The following IGSF21 variants were observed in gnomAD, a reference collection of about 807,000 sequenced individuals.
IGSF21 encodes the protein immunoglobulin superfamily member 21.
In IGSF21, 28 loss-of-function variants were observed where a neutral mutation model predicts 46.8. The ratio of observed to expected loss-of-function variants is 0.60; its 90% CI spans 0.44 to 0.82. IGSF21 has a LOEUF of 0.82. IGSF21 is among the 40% of genes least tolerant of loss of function. The pLI is 0.00. For missense variants in IGSF21, 624 were observed against 665.5 expected (o/e 0.94, Z 0.69); for synonymous variants, 284 against 273.6 (o/e 1.04, Z -0.38).
chr1:18,363,023 G>A (rs1178778428), intron 5 of IGSF21, among the ~76,000 whole-genome samples: 3 of 152,180 alleles, frequency 2.0e-5, no homozygotes, highest in East Asian at 3.9e-4. Flanking sequence ...GGACCCTTTT[G>A]GTCTAAATGA....
chr1:18,119,711 G>C (rs1217604433), intron 1 of IGSF21, among the ~76,000 whole-genome samples: 2 of 151,930 alleles, frequency 1.3e-5, no homozygotes, highest in Non-Finnish European at 2.9e-5. Context: ...AATAGGTCTG[G>C]GGCAACAAGC....
intron 2 of IGSF21, chr1:18,278,988 A>T: frequency 2.2e-6 from 1 of 460,018 alleles, no homozygotes; most frequent in Non-Finnish European, 4.5e-6. Flanking sequence ...AAGCTATAGA[A>T]CTAAGCTAGG....
rs990172155 is a variant in IGSF21 at position 18,238,442 on chromosome 1, G to A, written c.183+10432G>A. 5.3e-5 allele frequency among the ~76,000 whole-genome samples: 8 copies of A among 152,342 alleles called. No homozygotes were observed. In the East Asian group the frequency reaches 1.2e-3, roughly 22 times the overall value. ...GACGGGAAGAGGAGATAAGAAGCAG[G>A]GTGGTGGGGGAAGACTGGCTTTGGC... On this transcript the variant is annotated intron_variant, in intron 2 of 9. Coordinates refer to ENST00000251296, the MANE Select transcript of IGSF21 (RefSeq NM_032880.5).
Position 18,337,938 on chromosome 1 carries a change from G to T in IGSF21, c.424+2928G>T, listed in dbSNP as rs1029442279. 6.6e-6 allele frequency among the ~76,000 whole-genome samples: 1 copy of T among 152,170 alleles called. No homozygotes were observed. Among genetic ancestry groups the T allele is most frequent in the Non-Finnish European group, 1.5e-5 (1 of 68,028 alleles). On this transcript the variant is annotated intron_variant, in intron 4 of 9. Transcript: ENST00000251296. This position sits in a 1 kb window ranked among gnomAD's most constrained non-coding sequence, Gnocchi z 5.7. The stretch of plus-strand genomic sequence containing the variant: ...GGGGTTATCTCTGTGCCAGAGGAGC[G>T]TGGCTTCTGTAGCTCACCAAGGTCC...
rs1285099279 is a variant in IGSF21 at position 18,109,105 on chromosome 1, C to A, written c.70+907C>A. On this transcript the variant is annotated intron_variant, in intron 1 of 9. Coordinates refer to ENST00000251296, the MANE Select transcript of IGSF21 (RefSeq NM_032880.5). The surrounding 1 kb of genome is among the most constrained non-coding windows in gnomAD (Gnocchi z 4.8). ...GTTCTCCGGAGCCAGTGAGAGGTGG[C>A]TCCGCAGCCCCAGGGTCCGCGGCCG... Among the ~76,000 whole-genome samples, 1 of 151,884 alleles carries A rather than the reference C, an allele frequency of 6.6e-6. No homozygotes were observed. The highest frequency in any genetic ancestry group is 1.5e-5 in the Non-Finnish European group (1 of 67,978).
At chr1:18,243,380 T>G (rs1239610378) in intron 2 of IGSF21, among the ~76,000 whole-genome samples, 1 of 151,982 alleles carries the variant, frequency 6.6e-6, no homozygotes, top group Admixed American at 6.6e-5. Flanking sequence ...CCCTGCCCAC[T>G]CCCCGCATCT....
At chr1:18,227,614 T>A (rs962539622) in intron 1 of IGSF21, among the ~76,000 whole-genome samples, 1 of 150,796 alleles carries the variant, frequency 6.6e-6, no homozygotes, top group Non-Finnish European at 1.5e-5. Flanking sequence ...CAGGGAAAAA[T>A]GTGTCCCAAG....
At chr1:18,239,051 C>G (rs149441800) in intron 2 of IGSF21, among the ~76,000 whole-genome samples, 109 of 132,174 alleles carry the variant, frequency 8.2e-4, no homozygotes, top group African/African-American at 2.7e-3. Flanking sequence ...AATGCTTTCT[C>G]AGGGGTGAGA....
chr1:18,122,193 C>CTTTTTTTTTTTTTTTTTTT (rs766563472), intron 1 of IGSF21, among the ~76,000 whole-genome samples: 4 of 78,758 alleles, frequency 5.1e-5, no homozygotes, highest in Non-Finnish European at 7.2e-5. Flanking sequence ...TTCTTTCTTT[C>CTTTTTTTTTTTTTTTTTTT]TTTTTTTTTT....
intron 4 of IGSF21, among the ~76,000 whole-genome samples, chr1:18,360,221 G>A (rs78206182): frequency 0.012 from 1,876 of 152,254 alleles, 38 homozygotes; most frequent in African/African-American, 0.043. Context: ...GTGTTCTGCT[G>A]TATTTTTCCC....
chr1:18,367,265 A>G (rs2086175899), intron 6 of IGSF21, among the ~76,000 whole-genome samples: 1 of 152,202 alleles, frequency 6.6e-6, no homozygotes, highest in Non-Finnish European at 1.5e-5. Flanking sequence ...CTCAGTATCA[A>G]ATACCAAAGA....
chr1:18,232,731 G>C (rs536072259), intron 2 of IGSF21, among the ~76,000 whole-genome samples: 1 of 152,184 alleles, frequency 6.6e-6, no homozygotes, highest in East Asian at 1.9e-4. Context: ...TTCTCCTGCT[G>C]TATTCTTGAC....
intron 6 of IGSF21, among the ~76,000 whole-genome samples, chr1:18,372,656 GTT>G (rs2086238019): frequency 1.4e-5 from 2 of 139,024 alleles, no homozygotes; most frequent in African/African-American, 5.4e-5. Context: ...ATGGATGGAT[GTT>G]TGGATGGGTG....
At position 18,150,000 on chromosome 1, in the gene IGSF21, TC is replaced by T. The variant is rs1241424758; in HGVS notation, c.70+41805del. ...GGGGAGTGGTGGCTTATGCCTATAA[TC>T]CCAGCACTTTGGGAGGCCGAGGCAG... On this transcript the variant is annotated intron_variant, in intron 1 of 9. Coordinates refer to ENST00000251296, the MANE Select transcript of IGSF21 (RefSeq NM_032880.5). Among the ~76,000 whole-genome samples the T allele has an allele frequency of 3.3e-5, 5 of 152,230 alleles. 1 individual carries two copies. The highest frequency in any genetic ancestry group is 1.2e-4 in the African/African-American group (5 of 41,542).
intron 6 of IGSF21, among the ~76,000 whole-genome samples, chr1:18,374,329 G>A (rs1455222316): frequency 2.0e-5 from 3 of 152,208 alleles, no homozygotes; most frequent in Non-Finnish European, 4.4e-5. Flanking sequence ...ACTTCATGTA[G>A]GTCCTGGCTC....
chr1:18,254,179 G>C (rs1282421137), intron 2 of IGSF21, among the ~76,000 whole-genome samples: 1 of 152,182 alleles, frequency 6.6e-6, no homozygotes, highest in African/African-American at 2.4e-5. Context: ...CCAAGCAGAT[G>C]ATCCCAGTGC....
chr1:18,309,690 G>A (rs887076915), intron 3 of IGSF21, among the ~76,000 whole-genome samples: 4 of 152,178 alleles, frequency 2.6e-5, no homozygotes, highest in East Asian at 1.9e-4. Context: ...GCTGAGGGCC[G>A]GCCTCCTTTT....
At chr1:18,210,909 T>C (rs1283029160) in intron 1 of IGSF21, among the ~76,000 whole-genome samples, 1 of 152,124 alleles carries the variant, frequency 6.6e-6, no homozygotes, top group Non-Finnish European at 1.5e-5. Context: ...ACTCTGTCAC[T>C]CAGGCTGGAG....
chr1:18,253,670 G>T (rs1378121240), intron 2 of IGSF21, among the ~76,000 whole-genome samples: 1 of 152,226 alleles, frequency 6.6e-6, no homozygotes, highest in Non-Finnish European at 1.5e-5. Context: ...TGGAAGAGAA[G>T]GGATGGGGGG....
Sources: allele counts gnomAD v4.1 joint callset (sites outside exome capture counted in the v4.1 genomes callset), GRCh38; gene constraint gnomAD v4.1.1; non-coding constraint Gnocchi (gnomAD v3.1); transcripts MANE v1.5; gene names NCBI Gene and HGNC (gene_info 2026-07-23, HGNC 2026-07-21).